Variants in LTBP1 observed in about 807,000 individuals in gnomAD.
LTBP1 encodes latent-transforming growth factor beta-binding protein 1.
In LTBP1, 129 loss-of-function variants were observed where a neutral mutation model predicts 207.6. The observed-to-expected ratio is 0.62, with a 90% confidence interval of 0.54 to 0.72. LTBP1 has a LOEUF of 0.72. Ranked by LOEUF, LTBP1 falls within the 30% of genes least tolerant of loss-of-function variation. The pLI, the probability that LTBP1 is intolerant of heterozygous loss-of-function variation, is 0.00. For synonymous variants in LTBP1, 963 were observed against 833.7 expected (o/e 1.16, Z -2.67); for missense variants, 2,281 against 2,217.2 (o/e 1.03, Z -0.58).
chr2:33,320,886 C>T (rs1318607586), intron 24 of LTBP1, among the ~76,000 whole-genome samples: 2 of 152,130 alleles, frequency 1.3e-5, no homozygotes, highest in African/African-American at 4.8e-5. Context: ...TGAAAACTCT[C>T]TGTGTAATCT....
intron 7 of LTBP1, among the ~76,000 whole-genome samples, chr2:33,193,458 C>G (rs920359637): frequency 6.6e-6 from 1 of 152,128 alleles, no homozygotes; most frequent in African/African-American, 2.4e-5. Flanking sequence ...TGTCCTTATT[C>G]TTAATAGATG....
intron 22 of LTBP1, among the ~76,000 whole-genome samples, chr2:33,309,137 G>T (rs2094142869): frequency 6.6e-6 from 1 of 151,942 alleles, no homozygotes; most frequent in Admixed American, 6.6e-5. Context: ...ACAAAAATTA[G>T]TTGGGCGTGG....
At chr2:33,341,353 A>G (rs994495310) in intron 24 of LTBP1, among the ~76,000 whole-genome samples, 2 of 152,064 alleles carry the variant, frequency 1.3e-5, no homozygotes, top group Non-Finnish European at 2.9e-5. Flanking sequence ...AAGGAGCCCC[A>G]CCCAGAAAGG....
intron 9 of LTBP1, among the ~76,000 whole-genome samples, chr2:33,239,856 A>AT (rs1406590904): frequency 6.6e-6 from 1 of 151,932 alleles, no homozygotes; most frequent in African/African-American, 2.4e-5. Context: ...GCGACCTGAG[A>AT]TTGTGCCGCT....
At position 33,303,352 on chromosome 2, in the gene LTBP1, CTT is replaced by C. The variant is rs762959638; in HGVS notation, c.3481+1723_3481+1724del. ...GATCATCAGGCATTAGTTAGATTTT[CTT>C]TTTTTTTTTTTTTTGAGACGGAATC... On this transcript the variant is annotated intron_variant, in intron 22 of 33. Transcript: ENST00000404816. Among the ~76,000 whole-genome samples, 841 of 132,898 alleles carry C rather than the reference CTT, an allele frequency of 6.3e-3. 7 individuals are homozygous for C. Among genetic ancestry groups the C allele is most frequent in the African/African-American group, 0.022 (807 of 35,874 alleles). The allele number at this position is 132,898 out of a possible 152,430, so 87.2% of individuals were successfully genotyped here. A position where few individuals can be genotyped will look rare whatever the true frequency, so the allele number is the denominator to read the frequency against.
At chr2:33,240,199 T>A (rs1177237588) in intron 9 of LTBP1, among the ~76,000 whole-genome samples, 1 of 152,224 alleles carries the variant, frequency 6.6e-6, no homozygotes, top group Non-Finnish European at 1.5e-5. Flanking sequence ...AATTATGGTT[T>A]ACCATTCACC....
At chr2:32,962,322 GTTTCT>G (rs1224020397) in intron 2 of LTBP1, among the ~76,000 whole-genome samples, 2 of 152,102 alleles carry the variant, frequency 1.3e-5, no homozygotes, top group Non-Finnish European at 2.9e-5. Flanking sequence ...AGAGAGCCCT[GTTTCT>G]TTTATTTTGA....
chr2:33,177,027 C>G (rs962787268), intron 5 of LTBP1, among the ~76,000 whole-genome samples: 2 of 152,102 alleles, frequency 1.3e-5, no homozygotes, highest in African/African-American at 4.8e-5. Flanking sequence ...TCTCATTTTA[C>G]AGGTGAAGAA....
rs2095381108 is a variant in LTBP1 at position 33,398,602 on chromosome 2, G to T, written c.*57G>T. The T allele has an allele frequency of 3.4e-6, 5 of 1,490,852 alleles. No individual in the cohort carries two copies. In the African/African-American group the frequency reaches 5.6e-5, roughly 17 times the overall value. 92.4% of individuals were successfully genotyped at this position (1,490,852 alleles called of 1,614,324 possible). A position where few individuals can be genotyped will look rare whatever the true frequency, so the allele number is the denominator to read the frequency against. ...TCTGCACTGTGTAAAGGAAAAGGGA[G>T]AAATGTATTATACTTGAGACATTGC... is the stretch of plus-strand genomic sequence containing the variant. On this transcript the variant is annotated 3_prime_UTR_variant, in exon 34 of 34. Coordinates refer to ENST00000404816, the MANE Select transcript of LTBP1 (RefSeq NM_206943.4).
At chr2:33,258,240 C>A (rs2092915436) in intron 12 of LTBP1, among the ~76,000 whole-genome samples, 1 of 152,226 alleles carries the variant, frequency 6.6e-6, no homozygotes, top group Admixed American at 6.5e-5. Context: ...CTTCACATAT[C>A]TTGCTTACAA....
chr2:32,960,759 G>A (rs936356607), intron 2 of LTBP1, among the ~76,000 whole-genome samples: 6 of 152,146 alleles, frequency 3.9e-5, no homozygotes, highest in Non-Finnish European at 8.8e-5. Flanking sequence ...GATATGAAAG[G>A]GTCTGAGAGA....
At chr2:33,184,715 C>T (rs2087004085) in intron 5 of LTBP1, among the ~76,000 whole-genome samples, 1 of 151,050 alleles carries the variant, frequency 6.6e-6, no homozygotes, top group Non-Finnish European at 1.5e-5. Context: ...TCTTCTATAC[C>T]ATGAGGAATG....
intron 2 of LTBP1, among the ~76,000 whole-genome samples, chr2:32,962,582 A>G (rs1454740235): frequency 1.3e-5 from 2 of 152,238 alleles, no homozygotes; most frequent in African/African-American, 4.8e-5. Context: ...ATTTAAATCA[A>G]TGAATACTGA....
At chr2:33,079,583 CTTG>C (rs1301185091) in intron 3 of LTBP1, among the ~76,000 whole-genome samples, 1 of 152,130 alleles carries the variant, frequency 6.6e-6, no homozygotes, top group African/African-American at 2.4e-5. Context: ...CCTTCTGAAA[CTTG>C]TAGTAATAGA....
intron 24 of LTBP1, among the ~76,000 whole-genome samples, chr2:33,321,389 T>C (rs1326021420): frequency 2.0e-5 from 3 of 152,188 alleles, no homozygotes; most frequent in African/African-American, 2.4e-5. Context: ...AGTAGTGATA[T>C]CACAACCGAG....
At chr2:33,154,854 A>G (rs6543689) in intron 5 of LTBP1, among the ~76,000 whole-genome samples, 86,482 of 151,926 alleles carry the variant, frequency 0.57, 24,823 homozygotes, top group Middle Eastern at 0.65. Context: ...CTTGACGTCA[A>G]GAGTTCGAAA....
intron 3 of LTBP1, among the ~76,000 whole-genome samples, chr2:33,023,267 A>C (rs997411009): frequency 6.6e-6 from 1 of 152,240 alleles, no homozygotes; most frequent in South Asian, 2.1e-4. Context: ...AAGCAACATT[A>C]TTCATCTTCA....
rs1676304037 is a variant in LTBP1, at chr2:32,947,214, CG to C, written c.-108del. On this transcript the variant is annotated 5_prime_UTR_variant, in exon 1 of 34. Coordinates refer to ENST00000404816, the MANE Select transcript of LTBP1 (RefSeq NM_206943.4). ...CGACTTGGTCTCCTCCCGCCTTTCCCGGGCTCTCGGCAGCTCTCGGGGGAGC... is the reference window on the plus strand; with the variant it reads ...CGACTTGGTCTCCTCCCGCCTTTCCCGGCTCTCGGCAGCTCTCGGGGGAGC... 1.2e-6 allele frequency: 1 copy of C among 848,220 alleles called. No homozygotes were observed. Among genetic ancestry groups the C allele is most frequent in the South Asian group, 5.9e-5 (1 of 16,880 alleles). The allele number at this position is 848,220 out of a possible 1,614,324, so 52.5% of individuals were successfully genotyped here.
At chr2:33,119,394 C>A (rs1015173647) in intron 4 of LTBP1, among the ~76,000 whole-genome samples, 1 of 152,084 alleles carries the variant, frequency 6.6e-6, no homozygotes, top group Non-Finnish European at 1.5e-5. Context: ...AAAATAGGCC[C>A]ACGCAAAATA....
Sources: allele counts gnomAD v4.1 joint callset (sites outside exome capture counted in the v4.1 genomes callset), GRCh38; gene constraint gnomAD v4.1.1; transcripts MANE v1.5; gene names NCBI Gene and HGNC (gene_info 2026-07-23, HGNC 2026-07-21).